The following PSD3 variants were observed in gnomAD, a reference collection of about 807,000 sequenced individuals.
PSD3 encodes PH and SEC7 domain-containing protein 3.
Under a neutral mutation model 105.5 loss-of-function variants are expected in PSD3, and 49 were observed. The ratio of observed to expected loss-of-function variants is 0.46; its 90% CI spans 0.37 to 0.59. PSD3 has a LOEUF of 0.59. Among genes scored for constraint, PSD3 ranks in the 20% least tolerant of loss-of-function variants. PSD3 has a pLI of 0.00. For missense variants in PSD3, 1,561 were observed against 1,263.8 expected, an observed-to-expected ratio of 1.24 and a Z score of -3.57; for synonymous variants, 557 against 457.8, an observed-to-expected ratio of 1.22 and a Z score of -2.77.
chr8:19,036,318 G>C (rs776838663), intron 1 of PSD3, among the ~76,000 whole-genome samples: 2 of 152,000 alleles, frequency 1.3e-5, no homozygotes, highest in African/African-American at 4.8e-5. Context: ...TACCAGGAAG[G>C]TGCAGTTCCA....
At chr8:18,617,557 A>G (rs1195433870) in intron 11 of PSD3, among the ~76,000 whole-genome samples, 1 of 152,154 alleles carries the variant, frequency 6.6e-6, no homozygotes, top group African/African-American at 2.4e-5. Flanking sequence ...AAACTCTTAT[A>G]TTTATATATC....
intron 1 of PSD3, among the ~76,000 whole-genome samples, chr8:19,042,622 G>A (rs769695539): frequency 7.2e-5 from 11 of 152,078 alleles, no homozygotes; most frequent in Non-Finnish European, 1.6e-4. Context: ...TAAACAAAAA[G>A]CACCTCACAA....
At chr8:18,988,114 C>T (rs112371588) in intron 1 of PSD3, among the ~76,000 whole-genome samples, 1,341 of 56,322 alleles carry the variant, frequency 0.024, 22 homozygotes, top group African/African-American at 0.05. Flanking sequence ...TAAATAAATA[C>T]ATATATATAT....
intron 9 of PSD3, among the ~76,000 whole-genome samples, chr8:18,706,403 G>A (rs573560848): frequency 1.1e-4 from 16 of 151,746 alleles, no homozygotes; most frequent in Non-Finnish European, 1.9e-4. Context: ...ACACACATTG[G>A]TTAAAAAAAA....
At chr8:18,944,298 G>C (rs972913718) in intron 1 of PSD3, among the ~76,000 whole-genome samples, 4 of 152,162 alleles carry the variant, frequency 2.6e-5, no homozygotes, top group Non-Finnish European at 4.4e-5. Context: ...AGCCAGGCAT[G>C]GTGGCTCACG....
At chr8:18,839,885 T>C (rs1361198063) in intron 4 of PSD3, among the ~76,000 whole-genome samples, 1 of 152,156 alleles carries the variant, frequency 6.6e-6, no homozygotes, top group Non-Finnish European at 1.5e-5. Flanking sequence ...ACAAATGTGG[T>C]AGTTACTTAG....
chr8:18,632,878 T>TA lies in PSD3; in HGVS notation c.2217-73dup, dbSNP rs543295471. ...ATTCAAAGAAAAAGGTAAGTTATTG[T>TA]AAAAAACTACATTGTATTCCAATGG... is the stretch of plus-strand genomic sequence containing the variant. On this transcript the variant is annotated intron_variant, in intron 10 of 15. Coordinates refer to ENST00000327040, the MANE Select transcript of PSD3 (RefSeq NM_015310.4). 1,016 of 1,199,190 alleles carry TA rather than the reference T, an allele frequency of 8.5e-4. 8 individuals carry two copies. The African/African-American group carries it at 0.014, about 17-fold the overall frequency. The allele number at this position is 1,199,190 out of a possible 1,614,324, so 74.3% of individuals were successfully genotyped here.
At chr8:19,069,855 T>C (rs1265935733) in intron 1 of PSD3, among the ~76,000 whole-genome samples, 1 of 152,200 alleles carries the variant, frequency 6.6e-6, no homozygotes, top group Non-Finnish European at 1.5e-5. Context: ...AACAAATCAT[T>C]TGTGAGCTTA....
chr8:19,052,055 G>A (rs867227252), intron 1 of PSD3, among the ~76,000 whole-genome samples: 1 of 152,206 alleles, frequency 6.6e-6, no homozygotes, highest in African/African-American at 2.4e-5. Context: ...CCAATTTCAG[G>A]CTTTCCATGG....
intron 1 of PSD3, among the ~76,000 whole-genome samples, chr8:19,065,131 G>A (rs1829033942): frequency 6.6e-6 from 1 of 152,176 alleles, no homozygotes; most frequent in Non-Finnish European, 1.5e-5. Context: ...AAGTAATTTT[G>A]TAATGACCAG....
intron 2 of PSD3, among the ~76,000 whole-genome samples, chr8:18,896,012 A>G (rs1296911247): frequency 6.6e-6 from 1 of 152,048 alleles, no homozygotes; most frequent in Non-Finnish European, 1.5e-5. Context: ...ATTCTACTCT[A>G]CTTCTATGAG....
intron 1 of PSD3, among the ~76,000 whole-genome samples, chr8:19,011,324 T>A (rs114598672): frequency 1.9e-4 from 29 of 152,156 alleles, no homozygotes; most frequent in African/African-American, 6.5e-4. Context: ...AAATCACACC[T>A]GAATTTCTAT....
At chr8:19,066,308 T>G (rs1420111829) in intron 1 of PSD3, among the ~76,000 whole-genome samples, 1 of 152,194 alleles carries the variant, frequency 6.6e-6, no homozygotes, top group Non-Finnish European at 1.5e-5. Flanking sequence ...CTGAGAAAAT[T>G]TTTCTTTAAA....
chr8:18,987,126 C>T (rs1225793730), intron 1 of PSD3, among the ~76,000 whole-genome samples: 1 of 152,042 alleles, frequency 6.6e-6, no homozygotes, highest in Non-Finnish European at 1.5e-5. Context: ...TTTGGTAAAA[C>T]ATTTTCACTC....
chr8:18,598,922 C>G (rs2717747), intron 12 of PSD3, among the ~76,000 whole-genome samples: 114,882 of 151,918 alleles, frequency 0.76, 44,248 homozygotes, highest in South Asian at 0.89. Flanking sequence ...GACATTCCAT[C>G]TTCAGGGATT....
chr8:18,742,602 C>A (rs983265523), intron 9 of PSD3, among the ~76,000 whole-genome samples: 5 of 152,152 alleles, frequency 3.3e-5, no homozygotes, highest in Admixed American at 2.6e-4. Context: ...CCGGATCCCC[C>A]TGTAACTCAG....
At chr8:18,556,075 C>G in intron 15 of PSD3, 134 bp downstream of exon 15, 1 of 1,054,916 alleles carries the variant, frequency 9.5e-7, no homozygotes, top group Non-Finnish European at 1.4e-6. Context: ...CATGACCTTG[C>G]CAGGAGCTCC....
intron 12 of PSD3, among the ~76,000 whole-genome samples, chr8:18,590,943 G>C (rs555772203): frequency 2.0e-5 from 3 of 152,240 alleles, no homozygotes; most frequent in East Asian, 3.9e-4. Flanking sequence ...CGCCAAAACT[G>C]TGTTATACTA....
At chr8:18,921,639 C>A (rs1341399804) in intron 2 of PSD3, among the ~76,000 whole-genome samples, 1 of 152,162 alleles carries the variant, frequency 6.6e-6, no homozygotes, top group African/African-American at 2.4e-5. Context: ...ATGCTTCCTG[C>A]ATTGGCTTCA....
Sources: allele counts gnomAD v4.1 joint callset (sites outside exome capture counted in the v4.1 genomes callset), GRCh38; gene constraint gnomAD v4.1.1; transcripts MANE v1.5; gene names NCBI Gene and HGNC (gene_info 2026-07-23, HGNC 2026-07-21).